The following ANKRD28 variants were observed in gnomAD, a reference collection of about 807,000 sequenced individuals.
ANKRD28 encodes the protein serine/threonine-protein phosphatase 6 regulatory ankyrin repeat subunit A.
Under a neutral mutation model 126.5 loss-of-function variants are expected in ANKRD28, and 44 were observed. That is an observed-to-expected ratio of 0.35 (90% CI 0.27 to 0.45). The LOEUF (loss-of-function observed/expected upper bound fraction) is 0.45, where lower values mean the gene tolerates loss of function less well. Among genes scored for constraint, ANKRD28 ranks in the 20% least tolerant of loss-of-function variants. ANKRD28 has a pLI of 1.00. For missense variants in ANKRD28, 1,110 were observed against 1,316.6 expected (o/e 0.84, Z 2.43); for synonymous variants, 442 against 468.5 (o/e 0.94, Z 0.73).
At chr3:15,769,867 A>G (rs2058914860) in intron 2 of ANKRD28, among the ~76,000 whole-genome samples, 1 of 152,100 alleles carries the variant, frequency 6.6e-6, no homozygotes, top group Admixed American at 6.5e-5. Flanking sequence ...TAAAAACCTT[A>G]GGGGTTTTGC....
intron 3 of ANKRD28, among the ~76,000 whole-genome samples, chr3:15,757,341 G>A (rs931087376): frequency 6.6e-6 from 1 of 152,088 alleles, no homozygotes; most frequent in African/African-American, 2.4e-5. Context: ...CATTGTTCAA[G>A]GGTCAACTAT....
At chr3:15,762,196 AAAAAAAAAAAAAAAAAACAAAAC>A (rs1370077466) in intron 3 of ANKRD28, among the ~76,000 whole-genome samples, 6 of 30,230 alleles carry the variant, frequency 2.0e-4, no homozygotes, top group African/African-American at 3.6e-4. Context: ...TTTAAAAAAA[AAAAAAAAAAAAAAAAAACAAAAC>A]AAAAAAAAAA....
Position 15,720,920 on chromosome 3 carries a change from T to G in ANKRD28, c.991A>C (p.Met331Leu). 5.0e-6 allele frequency: 8 copies of G among 1,613,068 alleles called. No homozygotes were observed. The highest frequency in any genetic ancestry group is 5.1e-6 in the Non-Finnish European group (6 of 1,179,434). ...LLVGNGADVNMKSKDGKTPLH... is the reference protein window; with the variant it reads ...LLVGNGADVNLKSKDGKTPLH... ...ATTCTGATTTTGTTCCTTACCTTCATATTGACATCGGCCCCATTGCCAACT... is the reference window on the plus strand; with the variant it reads ...ATTCTGATTTTGTTCCTTACCTTCAGATTGACATCGGCCCCATTGCCAACT... Residue 331 changes from methionine to leucine, a missense_variant, in exon 8 of 28, where the codon ATG becomes CTG. Transcript: ENST00000683139.
intron 3 of ANKRD28, 107 bp from the exon 4 acceptor site, chr3:15,751,927 G>A: frequency 5.8e-6 from 4 of 692,720 alleles, no homozygotes; most frequent in Admixed American, 3.8e-5. Context: ...AATGACAATT[G>A]AAAAAAAACT....
intron 1 of ANKRD28, among the ~76,000 whole-genome samples, chr3:15,813,371 A>G (rs2060764857): frequency 6.6e-6 from 1 of 152,156 alleles, no homozygotes; most frequent in Non-Finnish European, 1.5e-5. Context: ...GTTGCAAAGG[A>G]AAAAACAAAA....
intron 2 of ANKRD28, among the ~76,000 whole-genome samples, chr3:15,786,157 C>A (rs11923804): frequency 0.63 from 95,473 of 151,744 alleles, 31,416 homozygotes; most frequent in East Asian, 0.91. Flanking sequence ...CAGGAGTGAA[C>A]CCTAATGTAA....
chr3:15,836,731 CA>C (rs952644294), intron 1 of ANKRD28, among the ~76,000 whole-genome samples: 33 of 152,172 alleles, frequency 2.2e-4, no homozygotes, highest in Non-Finnish European at 4.1e-4. Flanking sequence ...CAAAGAGGAA[CA>C]TTTTTTTAAC....
chr3:15,697,514 T>G lies in ANKRD28; in HGVS notation c.1548-1269A>C, dbSNP rs531218262. The G allele has an allele frequency of 4.0e-5, 6 of 151,790 alleles. 1 individual carries two copies. The South Asian group carries it at 6.2e-4, about 16-fold the overall frequency. The allele number at this position is 151,790 out of a possible 1,614,324, so 9.4% of individuals were successfully genotyped here. ...AATAAATTTAATCATGTGTTTGTTT[T>G]TTTTTTGCCATTGGTTCTGTTTATG... is the stretch of plus-strand genomic sequence containing the variant. On this transcript the variant is annotated intron_variant, in intron 14 of 27. Coordinates refer to ENST00000683139, the MANE Select transcript of ANKRD28 (RefSeq NM_001349278.2).
chr3:15,850,204 A>AAAAAATATATAT (rs1486394619), intron 1 of ANKRD28, among the ~76,000 whole-genome samples: 13 of 54,824 alleles, frequency 2.4e-4, no homozygotes, highest in Non-Finnish European at 3.5e-4. Flanking sequence ...AAAAAAAAAA[A>AAAAAATATATAT]ATATATATAT....
chr3:15,822,099 G>A (rs749225090), intron 1 of ANKRD28, among the ~76,000 whole-genome samples: 1 of 152,182 alleles, frequency 6.6e-6, no homozygotes, highest in African/African-American at 2.4e-5. Flanking sequence ...GGCCACATGC[G>A]TGTCCAGGAC....
At position 15,797,319 on chromosome 3, in the gene ANKRD28, TA is replaced by T; in HGVS notation, c.-799del. 4.1e-6 allele frequency: 4 copies of T among 985,346 alleles called. No individual in the cohort carries two copies. In the African/African-American group the frequency reaches 7.0e-5, roughly 17 times the overall value. The allele number at this position is 985,346 out of a possible 1,614,324, so 61.0% of individuals were successfully genotyped here. ...TCTTGGTACTAGAATACAGCTTGATTAATCCAGGTTTCCCATATAATAGAAG... is the reference window on the plus strand; with the variant it reads ...TCTTGGTACTAGAATACAGCTTGATTATCCAGGTTTCCCATATAATAGAAG... On this transcript the variant is annotated 5_prime_UTR_variant, in exon 1 of 28. It introduces an in-frame stop codon into an upstream open reading frame of the 5' UTR. Coordinates refer to ENST00000683139, the MANE Select transcript of ANKRD28 (RefSeq NM_001349278.2).
intron 1 of ANKRD28, among the ~76,000 whole-genome samples, chr3:15,809,657 G>C (rs572442591): frequency 6.6e-6 from 1 of 152,286 alleles, no homozygotes; most frequent in East Asian, 1.9e-4. Flanking sequence ...CCTGGATCTA[G>C]CTCTGCTTGC....
intron 6 of ANKRD28, among the ~76,000 whole-genome samples, chr3:15,725,423 A>C (rs2074081115): frequency 1.3e-5 from 2 of 152,210 alleles, no homozygotes; most frequent in Admixed American, 1.3e-4. Flanking sequence ...GGTTAGTTTA[A>C]TACCTTCATA....
intron 7 of ANKRD28, among the ~76,000 whole-genome samples, chr3:15,721,933 C>T (rs567869157): frequency 2.0e-5 from 3 of 152,164 alleles, no homozygotes; most frequent in South Asian, 2.1e-4. Context: ...TTAGTAGAGA[C>T]GGGGTGTCAC....
intron 1 of ANKRD28, among the ~76,000 whole-genome samples, chr3:15,828,318 A>T (rs369029541): frequency 1.1e-4 from 16 of 152,268 alleles, no homozygotes; most frequent in Middle Eastern, 3.4e-3. Context: ...ACATGAAGTT[A>T]GGGCTGGACG....
intron 26 of ANKRD28, chr3:15,676,750 C>G (rs572008889): frequency 5.2e-6 from 2 of 383,862 alleles, no homozygotes; most frequent in South Asian, 7.4e-5. Flanking sequence ...GAAAAAAATA[C>G]ATTATTGTCA....
At chr3:15,742,518 A>G (rs1212817115) in intron 4 of ANKRD28, among the ~76,000 whole-genome samples, 1 of 128,912 alleles carries the variant, frequency 7.8e-6, no homozygotes, top group Admixed American at 7.6e-5. Context: ...CCCATATGAG[A>G]AGTGAGGAGC....
intron 2 of ANKRD28, among the ~76,000 whole-genome samples, chr3:15,770,536 A>T (rs2058947837): frequency 6.6e-6 from 1 of 152,110 alleles, no homozygotes; most frequent in African/African-American, 2.4e-5. Flanking sequence ...TGAACAACCA[A>T]AATTGAGGAA....
chr3:15,788,526 G>A (rs1043213870), intron 2 of ANKRD28, among the ~76,000 whole-genome samples: 1 of 152,016 alleles, frequency 6.6e-6, no homozygotes, highest in African/African-American at 2.4e-5. Context: ...GTTAAATTGA[G>A]TAATACAAAA....
Sources: allele counts gnomAD v4.1 joint callset (sites outside exome capture counted in the v4.1 genomes callset), GRCh38; gene constraint gnomAD v4.1.1; transcripts MANE v1.5; gene names NCBI Gene and HGNC (gene_info 2026-07-23, HGNC 2026-07-21).